The following DOP1A variants were observed in gnomAD, a reference collection of about 807,000 sequenced individuals.
DOP1A encodes the protein protein DOP1A.
A neutral mutation model predicts 267.6 loss-of-function variants in DOP1A; 90 were observed. That is an observed-to-expected ratio of 0.34 (90% CI 0.28 to 0.40). The LOEUF (loss-of-function observed/expected upper bound fraction) is 0.40. Ranked by LOEUF, DOP1A falls within the 10% of genes least tolerant of loss-of-function variation. The pLI is 1.00. For synonymous variants in DOP1A, 932 were observed against 999.1 expected (o/e 0.93, Z 1.27); for missense variants, 2,437 against 2,900.4 (o/e 0.84, Z 3.67).
chr6:83,107,753 G>A (rs1440737344), intron 4 of DOP1A, among the ~76,000 whole-genome samples: 1 of 152,220 alleles, frequency 6.6e-6, no homozygotes, highest in Non-Finnish European at 1.5e-5. Flanking sequence ...CCCAGACAAG[G>A]AGGGTATAAG....
intron 1 of DOP1A, among the ~76,000 whole-genome samples, chr6:83,095,760 G>A (rs1270121284): frequency 6.6e-6 from 1 of 152,146 alleles, no homozygotes; most frequent in East Asian, 1.9e-4. Context: ...TTATAGTCAG[G>A]ATGCCAGTTG....
chr6:83,084,141 G>C (rs1459132728), intron 1 of DOP1A, among the ~76,000 whole-genome samples: 1 of 152,142 alleles, frequency 6.6e-6, no homozygotes, highest in African/African-American at 2.4e-5. Context: ...GTCATATGCT[G>C]TATAACATTT....
chr6:83,074,238 T>C (rs1247947120), intron 1 of DOP1A, among the ~76,000 whole-genome samples: 1 of 152,160 alleles, frequency 6.6e-6, no homozygotes, highest in East Asian at 1.9e-4. Context: ...CATGGTCCTT[T>C]GGGAGGGGGG....
intron 6 of DOP1A, among the ~76,000 whole-genome samples, chr6:83,112,798 C>G (rs1264105978): frequency 1.3e-5 from 2 of 152,182 alleles, no homozygotes; most frequent in Non-Finnish European, 2.9e-5. Flanking sequence ...GCACATACCC[C>G]AAGACCTGGC....
intron 1 of DOP1A, among the ~76,000 whole-genome samples, chr6:83,090,691 G>A (rs1770189501): frequency 6.6e-6 from 1 of 152,166 alleles, no homozygotes. Context: ...GTATTGGTCA[G>A]TGATGGATTT....
intron 38 of DOP1A, chr6:83,166,870 G>A: frequency 1.0e-6 from 1 of 993,906 alleles, no homozygotes. Flanking sequence ...TTGTTAATAT[G>A]ACAGATTGTA....
chr6:83,110,377 G>C, intron 6 of DOP1A, 63 bp downstream of exon 6: 1 of 1,500,702 alleles, frequency 6.7e-7, no homozygotes, highest in South Asian at 1.3e-5. Flanking sequence ...CACTATTCCA[G>C]ACATATATTG....
chr6:83,122,092 T>C, intron 11 of DOP1A, 42 bp downstream of exon 11: 1 of 1,598,682 alleles, frequency 6.3e-7, no homozygotes, highest in South Asian at 1.1e-5. Context: ...AGACATAATA[T>C]GTATTCACTT....
At chr6:83,153,775 G>A (rs1782199068) in intron 31 of DOP1A, 119 bp from the exon 32 acceptor site, 7 of 1,216,840 alleles carry the variant, frequency 5.8e-6, no homozygotes, top group South Asian at 1.7e-5. Flanking sequence ...TTTTCTTATG[G>A]TGCTTTCTAT....
intron 15 of DOP1A, among the ~76,000 whole-genome samples, chr6:83,126,268 G>A (rs1246365787): frequency 6.6e-6 from 1 of 151,888 alleles, no homozygotes; most frequent in African/African-American, 2.4e-5. Flanking sequence ...TGTAAAATAG[G>A]TGAAGAGTGG....
At chr6:83,111,843 G>A (rs766704416) in intron 6 of DOP1A, among the ~76,000 whole-genome samples, 3 of 151,964 alleles carry the variant, frequency 2.0e-5, no homozygotes, top group Non-Finnish European at 4.4e-5. Context: ...TCTTGATAGG[G>A]TCCCCTGAAG....
intron 34 of DOP1A, among the ~76,000 whole-genome samples, chr6:83,156,601 C>A (rs186377470): frequency 1.3e-5 from 2 of 152,122 alleles, no homozygotes; most frequent in African/African-American, 4.8e-5. Context: ...CGTGTCATCA[C>A]CCTGTACCAC....
chr6:83,114,231 T>G (rs1775038148), intron 7 of DOP1A, among the ~76,000 whole-genome samples: 1 of 152,194 alleles, frequency 6.6e-6, no homozygotes, highest in African/African-American at 2.4e-5. Flanking sequence ...ATTGAAATAT[T>G]AATAACTAAA....
chr6:83,137,686 A>T lies in DOP1A; in HGVS notation c.3644A>T (p.Gln1215Leu). The T allele has an allele frequency of 6.2e-7, 1 of 1,613,636 alleles. No individual in the cohort carries two copies. ...GCTTTGCTGAGTAATGAAAGTTCTC[A>T]GTTTCTGTCTGTGTCTGCAGAGGGA... ...QNALLSNESSQFLSVSAEGGH... is the reference protein window; with the variant it reads ...QNALLSNESSLFLSVSAEGGH... The change falls in exon 21 of 39, where the codon CAG becomes CTG. Residue 1215 changes from glutamine to leucine, a missense_variant. By Grantham distance (113) the Gln-to-Leu change is moderately radical. Coordinates refer to ENST00000349129, the MANE Select transcript of DOP1A (RefSeq NM_015018.4).
intron 1 of DOP1A, among the ~76,000 whole-genome samples, chr6:83,094,911 T>G (rs1771166404): frequency 6.6e-6 from 1 of 152,110 alleles, no homozygotes; most frequent in African/African-American, 2.4e-5. Flanking sequence ...GTTGCTTGTG[T>G]TTTTGGTTTT....
intron 11 of DOP1A, among the ~76,000 whole-genome samples, chr6:83,122,550 T>G (rs1266271057): frequency 6.6e-6 from 1 of 151,984 alleles, no homozygotes; most frequent in Admixed American, 6.6e-5. Context: ...TAAAAGAATT[T>G]TGCCAAATTT....
At chr6:83,082,840 C>T (rs1318711008) in intron 1 of DOP1A, among the ~76,000 whole-genome samples, 2 of 147,274 alleles carry the variant, frequency 1.4e-5, no homozygotes, top group African/African-American at 5.1e-5. Flanking sequence ...CCGAGTTTTG[C>T]TCTGTCACCC....
At chr6:83,120,927 T>G (rs1776269325) in intron 10 of DOP1A, 136 bp downstream of exon 10, 1 of 554,208 alleles carries the variant, frequency 1.8e-6, no homozygotes, top group Admixed American at 3.3e-5. Flanking sequence ...TTCTTAAAGT[T>G]CACTCTACAA....
rs1473704470 is a variant in DOP1A at position 83,140,005 on chromosome 6, T to C, written c.5126T>C (p.Leu1709Pro). The C allele has an allele frequency of 6.2e-7, 1 of 1,611,444 alleles. No homozygotes were observed. Among genetic ancestry groups the C allele is most frequent in the Admixed American group, 1.7e-5 (1 of 59,948 alleles). ...YETGLSDSRP[L>P]WMASIIPPDM... ...ATGAATGCATTTTACTTCAGGCCTC[T>C]GTGGATGGCATCAATTATTCCACCA... The change falls in exon 22 of 39, where the codon CTG becomes CCG. Residue 1709 changes from leucine to proline, a missense_variant. Coordinates refer to ENST00000349129, the MANE Select transcript of DOP1A (RefSeq NM_015018.4).
Sources: gnomAD v4.1 joint callset for allele counts (sites outside exome capture counted in the v4.1 genomes callset) on GRCh38, gnomAD v4.1.1 for gene constraint, MANE v1.5 for transcripts, NCBI Gene and HGNC (gene_info 2026-07-23, HGNC 2026-07-21) for gene names.